HMGCLL1: variants seen among roughly 807,000 people sequenced by gnomAD.
HMGCLL1 encodes 3-hydroxymethyl-3-methylglutaryl-CoA lyase, cytoplasmic.
Under a neutral mutation model 39.1 loss-of-function variants are expected in HMGCLL1, and 36 were observed. The observed-to-expected ratio is 0.92, with a 90% CI of 0.71 to 1.22. The LOEUF is 1.22. Ranked by LOEUF, HMGCLL1 falls within the 50% of genes most tolerant of loss-of-function variation. HMGCLL1 has a pLI of 0.00. For missense variants in HMGCLL1, 451 were observed against 416.5 expected (o/e 1.08, Z -0.72); for synonymous variants, 149 against 144.0 (o/e 1.03, Z -0.25).
the HMGCLL1 span, among the ~76,000 whole-genome samples, chr6:55,670,411 CA>C: frequency 1.3e-5 from 2 of 151,614 alleles, no homozygotes; most frequent in African/African-American, 4.8e-5. Flanking sequence ...CATGAATAAA[CA>C]AGTAACAACA....
At position 55,538,953 on chromosome 6, in the gene HMGCLL1, A is replaced by C. The variant is rs1769184759; in HGVS notation, c.297+2776T>G. ...AAGGTGACATATTACTACTACTCTT[A>C]ATCCTATTTTGGCTTCTGTTACTTC... On this transcript the variant is annotated intron_variant, in intron 3 of 8. Transcript: ENST00000274901. Among the ~76,000 whole-genome samples, 6 of 152,280 alleles carry C rather than the reference A, an allele frequency of 3.9e-5. 1 individual carries two copies. In the South Asian group the frequency reaches 1.2e-3, roughly 32 times the overall value.
the HMGCLL1 span, among the ~76,000 whole-genome samples, chr6:55,584,435 C>G: frequency 6.6e-6 from 1 of 152,066 alleles, no homozygotes; most frequent in African/African-American, 2.4e-5. Flanking sequence ...ACACTTACTC[C>G]CATTCTTCAC....
intron 7 of HMGCLL1, among the ~76,000 whole-genome samples, chr6:55,459,018 G>C (rs1372969120): frequency 1.3e-5 from 2 of 152,152 alleles, no homozygotes; most frequent in Non-Finnish European, 2.9e-5. Context: ...TCTTACTAGA[G>C]AGTGCAATAT....
the HMGCLL1 span, among the ~76,000 whole-genome samples, chr6:55,591,856 C>A: frequency 0.24 from 36,607 of 151,664 alleles, 4,714 homozygotes; most frequent in East Asian, 0.49. Flanking sequence ...ATTTTAAGGG[C>A]AGAAAGTTAT....
intron 1 of HMGCLL1, among the ~76,000 whole-genome samples, chr6:55,572,153 G>A (rs895710189): frequency 6.6e-6 from 1 of 152,062 alleles, no homozygotes; most frequent in Non-Finnish European, 1.5e-5. Flanking sequence ...TCTAAGTAAA[G>A]TGATAAACTG....
chr6:55,627,920 T>C, the HMGCLL1 span, among the ~76,000 whole-genome samples: 5 of 2,720 alleles, frequency 1.8e-3, 1 homozygote, highest in Admixed American at 0.014. Context: ...TATATATATA[T>C]AATATATATA....
At chr6:55,628,801 T>C in the HMGCLL1 span, among the ~76,000 whole-genome samples, 1 of 152,152 alleles carries the variant, frequency 6.6e-6, no homozygotes, top group African/African-American at 2.4e-5. Flanking sequence ...GATGGTTTTA[T>C]AAGAAGGAGT....
intron 3 of HMGCLL1, among the ~76,000 whole-genome samples, chr6:55,539,248 A>G (rs1769205111): frequency 6.6e-6 from 1 of 152,180 alleles, no homozygotes; most frequent in African/African-American, 2.4e-5. Context: ...AGGCTTTGTC[A>G]ATGGGAGGAA....
intron 6 of HMGCLL1, among the ~76,000 whole-genome samples, chr6:55,496,933 T>C (rs1414776921): frequency 2.0e-5 from 3 of 152,192 alleles, no homozygotes; most frequent in African/African-American, 7.2e-5. Flanking sequence ...GTGGTGTCCC[T>C]AACCTCCAAA....
chr6:55,543,460 TCA>T (rs1491259751), intron 1 of HMGCLL1, among the ~76,000 whole-genome samples: 1 of 15,482 alleles, frequency 6.5e-5, no homozygotes, highest in Admixed American at 1.1e-3. Context: ...ATGATATATA[TCA>T]TATATATCAT....
upstream of HMGCLL1, among the ~76,000 whole-genome samples, chr6:55,582,732 A>G (rs905092974): frequency 6.6e-6 from 1 of 152,164 alleles, no homozygotes; most frequent in Admixed American, 6.5e-5. Flanking sequence ...TTCTAATTCT[A>G]GAAACATTTT....
intron 1 of HMGCLL1, among the ~76,000 whole-genome samples, chr6:55,542,666 CT>C (rs1236008063): frequency 6.6e-6 from 1 of 151,290 alleles, no homozygotes; most frequent in African/African-American, 2.4e-5. Flanking sequence ...ATAATCCCAG[CT>C]ATTTGGGAGG....
intron 7 of HMGCLL1, among the ~76,000 whole-genome samples, chr6:55,457,631 T>G (rs1044367224): frequency 2.6e-5 from 4 of 152,182 alleles, no homozygotes; most frequent in African/African-American, 7.2e-5. Flanking sequence ...CATCCTACTT[T>G]CTGTCTCTTT....
At chr6:55,456,161 A>T (rs73444938) in intron 7 of HMGCLL1, among the ~76,000 whole-genome samples, 10,007 of 152,258 alleles carry the variant, frequency 0.066, 398 homozygotes, top group African/African-American at 0.11. Context: ...CATATAAGAC[A>T]AAACTCTTAA....
At chr6:55,534,444 G>T (rs1768891755) in intron 3 of HMGCLL1, among the ~76,000 whole-genome samples, 1 of 152,146 alleles carries the variant, frequency 6.6e-6, no homozygotes, top group Non-Finnish European at 1.5e-5. Context: ...ACAAGGCTTG[G>T]TTATAAAAGC....
At chr6:55,542,862 T>C (rs1769541932) in intron 1 of HMGCLL1, among the ~76,000 whole-genome samples, 1 of 137,284 alleles carries the variant, frequency 7.3e-6, no homozygotes, top group Non-Finnish European at 1.5e-5. Flanking sequence ...TATATATATT[T>C]ATATATTTTT....
chr6:55,450,792 G>A (rs545590108), intron 7 of HMGCLL1, among the ~76,000 whole-genome samples: 3 of 152,254 alleles, frequency 2.0e-5, no homozygotes, highest in Admixed American at 6.5e-5. Flanking sequence ...ATAAGTTTTG[G>A]GACCAGGGCA....
At chr6:55,606,558 G>GT in the HMGCLL1 span, among the ~76,000 whole-genome samples, 2 of 151,890 alleles carry the variant, frequency 1.3e-5, no homozygotes, top group Non-Finnish European at 2.9e-5. Context: ...TAAACTAATA[G>GT]TTTTTTTAAA....
intron 1 of HMGCLL1, among the ~76,000 whole-genome samples, chr6:55,558,482 T>A (rs1770783096): frequency 6.6e-6 from 1 of 152,180 alleles, no homozygotes; most frequent in African/African-American, 2.4e-5. Flanking sequence ...ATTTACTATA[T>A]AAATTTACTC....
Sources: gnomAD v4.1 joint callset for allele counts (sites outside exome capture counted in the v4.1 genomes callset) on GRCh38, gnomAD v4.1.1 for gene constraint, MANE v1.5 for transcripts, NCBI Gene and HGNC (gene_info 2026-07-23, HGNC 2026-07-21) for gene names.